ALDH2: variants seen among roughly 807,000 people sequenced by gnomAD.
ALDH2 encodes aldehyde dehydrogenase 2 family member.
Under a neutral mutation model 59.6 loss-of-function variants are expected in ALDH2, and 44 were observed. The observed-to-expected ratio is 0.74, with a 90% CI of 0.58 to 0.95. The LOEUF (loss-of-function observed/expected upper bound fraction) is 0.95. Ranked by LOEUF, ALDH2 falls within the 40% of genes least tolerant of loss-of-function variation. The pLI, the probability that ALDH2 is intolerant of heterozygous loss-of-function variation, is 0.00. For synonymous variants in ALDH2, 291 were observed against 284.0 expected (o/e 1.02, Z -0.25); for missense variants, 570 against 696.3 (o/e 0.82, Z 2.04).
intron 8 of ALDH2, 84 bp downstream of exon 8, chr12:111,792,247 C>G (rs1009232330): frequency 2.8e-6 from 3 of 1,084,032 alleles, no homozygotes; most frequent in South Asian, 2.8e-5. Flanking sequence ...TGTCGCCCCC[C>G]CAGTGCCCAA....
intron 2 of ALDH2, among the ~76,000 whole-genome samples, chr12:111,782,505 A>G (rs1417220744): frequency 6.6e-6 from 1 of 151,688 alleles, no homozygotes; most frequent in Non-Finnish European, 1.5e-5. Context: ...GGATCACTTG[A>G]ACCCAGGAAT....
rs981292388 is a variant in ALDH2 at position 111,811,421 on chromosome 12, C to G, written c.*1846C>G. The G allele has an allele frequency of 4.6e-5, 7 of 151,612 alleles. No individual in the cohort carries two copies. Among genetic ancestry groups the G allele is most frequent in the African/African-American group, 1.7e-4 (7 of 41,330 alleles). 9.4% of individuals were successfully genotyped at this position (151,612 alleles called of 1,614,324 possible). ...GAGGGCAATCAGCAGTCTCTACCAT[C>G]ATGTGAAACACCACTCTGTGATTTG... On this transcript the variant is annotated 3_prime_UTR_variant, in exon 13 of 13. Coordinates refer to ENST00000261733, the MANE Select transcript of ALDH2 (RefSeq NM_000690.4).
At position 111,813,608 on chromosome 12, in the gene ALDH2, T is replaced by C. The variant is rs1053266247; in HGVS notation, c.*4033T>C. On this transcript the variant is annotated 3_prime_UTR_variant, in exon 13 of 13. Transcript: ENST00000261733. The stretch of plus-strand genomic sequence containing the variant: ...GGACAGACAAAATGTGACATATCCA[T>C]GCAGTGGAATATTATTTAGCCATAA... 1 of 152,194 alleles carries C rather than the reference T, an allele frequency of 6.6e-6. No homozygotes were observed. Among genetic ancestry groups the C allele is most frequent in the Non-Finnish European group, 1.5e-5 (1 of 68,032 alleles). The allele number at this position is 152,194 out of a possible 1,614,324, so 9.4% of individuals were successfully genotyped here. A position where few individuals can be genotyped will look rare whatever the true frequency, so the allele number is the denominator to read the frequency against.
At position 111,810,274 on chromosome 12, in the gene ALDH2, A is replaced by G. The variant is rs913157389; in HGVS notation, c.*699A>G. Reference sequence around the variant, plus strand: ...AGTGGAGATCATGCCACTGCACTCCAGCCTGGGAGTCAGAGCGAGACTCCA... The same window carrying G: ...AGTGGAGATCATGCCACTGCACTCCGGCCTGGGAGTCAGAGCGAGACTCCA... On this transcript the variant is annotated 3_prime_UTR_variant, in exon 13 of 13. Transcript: ENST00000261733. The G allele has an allele frequency of 6.6e-6, 1 of 152,448 alleles. No homozygotes were observed. Among genetic ancestry groups the G allele is most frequent in the Non-Finnish European group, 1.5e-5 (1 of 68,224 alleles). The allele number at this position is 152,448 out of a possible 1,614,324, so 9.4% of individuals were successfully genotyped here.
intron 3 of ALDH2, 68 bp from the exon 4 acceptor site, chr12:111,785,199 C>G (rs547685237): frequency 1.5e-6 from 2 of 1,335,086 alleles, no homozygotes; most frequent in East Asian, 2.3e-5. Context: ...CCTTGGCGCC[C>G]TCTGTCAGCC....
Position 111,798,167 on chromosome 12 carries a change from T to G in ALDH2, c.1173T>G (p.Ala391=), listed in dbSNP as rs2068420902. ...AGCTGCTGTGTGGTGGGGGCATTGC[T>G]GCTGACCGTGGTTACTTCATCCAGC... ...GAKLLCGGGI[A]ADRGYFIQPT... Residue 391 remains alanine (A), a synonymous_variant, in exon 10 of 13, where the codon GCT becomes GCG. Coordinates refer to ENST00000261733, the MANE Select transcript of ALDH2 (RefSeq NM_000690.4). 6.2e-7 allele frequency: 1 copy of G among 1,611,536 alleles called. No individual in the cohort carries two copies. Among genetic ancestry groups the G allele is most frequent in the East Asian group, 2.2e-5 (1 of 44,860 alleles).
Position 111,804,029 on chromosome 12 carries a change from G to T in ALDH2, c.1521+56G>T, listed in dbSNP as rs566179917. ...CCTGTTGGGGCTTGAGGGTCTGCTG[G>T]TGGCTCGGAGCCTGCTGGGGGATTG... On this transcript the variant is annotated intron_variant, in intron 12 of 12. Transcript: ENST00000261733. 4 of 1,351,020 alleles carry T rather than the reference G, an allele frequency of 3.0e-6. No homozygotes were observed. In the East Asian group the frequency reaches 8.1e-5, roughly 27 times the overall value. 83.7% of individuals were successfully genotyped at this position (1,351,020 alleles called of 1,614,324 possible). A position where few individuals can be genotyped will look rare whatever the true frequency, so the allele number is the denominator to read the frequency against.
At chr12:111,785,039 GT>G (rs1260834756) in intron 3 of ALDH2, among the ~76,000 whole-genome samples, 1 of 151,648 alleles carries the variant, frequency 6.6e-6, no homozygotes, top group African/African-American at 2.4e-5. Context: ...AAATCACTGA[GT>G]GAGAAATTGG....
rs2068573021 is a variant in ALDH2 at position 111,816,921 on chromosome 12, T to C, written c.*7346T>C. Reference sequence around the variant, plus strand: ...GTTGGATGTGCAAGCTCCCTGCAAATGGGCTTTCACAAGGTCCCATGGATA... The same window carrying C: ...GTTGGATGTGCAAGCTCCCTGCAAACGGGCTTTCACAAGGTCCCATGGATA... On this transcript the variant is annotated 3_prime_UTR_variant, in exon 13 of 13. Coordinates refer to ENST00000261733, the MANE Select transcript of ALDH2 (RefSeq NM_000690.4). 2 of 152,236 alleles carry C rather than the reference T, an allele frequency of 1.3e-5. No homozygotes were observed. Among genetic ancestry groups the C allele is most frequent in the Non-Finnish European group, 2.9e-5 (2 of 68,036 alleles). 9.4% of individuals were successfully genotyped at this position (152,236 alleles called of 1,614,324 possible).
In ALDH2 at chr12:111,809,929, C is replaced by T. The variant is rs1166367821; in HGVS notation, c.*354C>T. ...TATATCACCATTAAGGCAACTGCTA[C>T]ACCCTGCTTTGTATTCTGGGCTAAG... On this transcript the variant is annotated 3_prime_UTR_variant, in exon 13 of 13. Transcript: ENST00000261733. The T allele has an allele frequency of 2.9e-6, 1 of 342,112 alleles. No homozygotes were observed. The highest frequency in any genetic ancestry group is 3.7e-5 in the South Asian group (1 of 26,682). 21.2% of individuals were successfully genotyped at this position (342,112 alleles called of 1,614,324 possible).
intron 1 of ALDH2, among the ~76,000 whole-genome samples, chr12:111,779,995 G>A (rs967275171): frequency 3.3e-5 from 5 of 152,096 alleles, no homozygotes; most frequent in African/African-American, 9.7e-5. Context: ...GGGTTCAAGC[G>A]ATTCTCCTGC....
intron 1 of ALDH2, chr12:111,775,728 G>T: frequency 2.2e-6 from 1 of 454,132 alleles, no homozygotes; most frequent in Non-Finnish European, 4.4e-6. Context: ...TATGTAAGTC[G>T]AGCTTCGGGT....
chr12:111,785,194 G>T, intron 3 of ALDH2, 73 bp from the exon 4 acceptor site: 2 of 1,257,246 alleles, frequency 1.6e-6, no homozygotes. Context: ...CCCAGCCTTG[G>T]CGCCCTCTGT....
At chr12:111,785,235 C>A (rs1277225113) in intron 3 of ALDH2, 32 bp from the exon 4 acceptor site, 1 of 1,564,014 alleles carries the variant, frequency 6.4e-7, no homozygotes, top group Admixed American at 1.7e-5. Context: ...ATTCCTGCAC[C>A]CATGTCTCTG....
chr12:111,791,333 A>T lies in ALDH2; in HGVS notation c.709A>T (p.Ile237Phe), dbSNP rs529768244. Reference protein sequence around the residue: ...EAGFPPGVVNIVPGFGPTAGA... With the variant: ...EAGFPPGVVNFVPGFGPTAGA... ...TGGCTTTCCCCCTGGTGTGGTCAACATTGTGCCTGGATTTGGCCCCACGGC... is the reference window on the plus strand; with the variant it reads ...TGGCTTTCCCCCTGGTGTGGTCAACTTTGTGCCTGGATTTGGCCCCACGGC... The change falls in exon 7 of 13, where the codon ATT (isoleucine) becomes TTT (phenylalanine). Residue 237 changes from isoleucine to phenylalanine, a missense_variant. Physicochemically the swap from Ile to Phe is conservative, Grantham distance 21. Coordinates refer to ENST00000261733, the MANE Select transcript of ALDH2 (RefSeq NM_000690.4). 4.3e-6 allele frequency: 7 copies of T among 1,614,042 alleles called. No homozygotes were observed. In the Middle Eastern group the frequency reaches 1.2e-3, roughly 266 times the overall value.
rs1478905777 is a variant in ALDH2 at position 111,814,917 on chromosome 12, G to T, written c.*5342G>T. The T allele has an allele frequency of 6.6e-6, 1 of 152,098 alleles. No individual in the cohort carries two copies. The highest frequency in any genetic ancestry group is 1.5e-5 in the Non-Finnish European group (1 of 68,046). The allele number at this position is 152,098 out of a possible 1,614,324, so 9.4% of individuals were successfully genotyped here. A position where few individuals can be genotyped will look rare whatever the true frequency, so the allele number is the denominator to read the frequency against. ...AAACAGGGTCCCAGAGCTGGTCAGG[G>T]GAACTTGGACAAACCACACAACTTC... is the stretch of plus-strand genomic sequence containing the variant. On this transcript the variant is annotated 3_prime_UTR_variant, in exon 13 of 13. Transcript: ENST00000261733.
In ALDH2 at chr12:111,812,362, C is replaced by T. The variant is rs1228442794; in HGVS notation, c.*2787C>T. On this transcript the variant is annotated 3_prime_UTR_variant, in exon 13 of 13. Coordinates refer to ENST00000261733, the MANE Select transcript of ALDH2 (RefSeq NM_000690.4). The stretch of plus-strand genomic sequence containing the variant: ...TATATTTTATTATACTGGAACAGCT[C>T]GTGCCCTCGGTCTCTTGCCTCAGCA... 6.6e-6 allele frequency: 1 copy of T among 152,052 alleles called. No homozygotes were observed. The highest frequency in any genetic ancestry group is 1.5e-5 in the Non-Finnish European group (1 of 68,024). 9.4% of individuals were successfully genotyped at this position (152,052 alleles called of 1,614,324 possible). A position where few individuals can be genotyped will look rare whatever the true frequency, so the allele number is the denominator to read the frequency against.
intron 11 of ALDH2, among the ~76,000 whole-genome samples, chr12:111,802,458 G>A (rs954114817): frequency 1.3e-5 from 2 of 151,386 alleles, no homozygotes; most frequent in Non-Finnish European, 2.9e-5. Flanking sequence ...GTGGGCACCT[G>A]TAATCCCAGC....
At chr12:111,794,210 G>A (rs1012272048) in intron 9 of ALDH2, among the ~76,000 whole-genome samples, 1 of 151,918 alleles carries the variant, frequency 6.6e-6, no homozygotes, top group Non-Finnish European at 1.5e-5. Flanking sequence ...AGTAGAGACA[G>A]GGTTTCACCA....
Sources: gnomAD v4.1 joint callset for allele counts (sites outside exome capture counted in the v4.1 genomes callset) on GRCh38, gnomAD v4.1.1 for gene constraint, MANE v1.5 for transcripts, NCBI Gene and HGNC (gene_info 2026-07-23, HGNC 2026-07-21) for gene names.